GCC2: variants seen among roughly 807,000 people sequenced by gnomAD.
GCC2 encodes GRIP and coiled-coil domain-containing protein 2.
In GCC2, 120 loss-of-function variants were observed where a neutral mutation model predicts 210.6. The ratio of observed to expected loss-of-function variants is 0.57; its 90% CI spans 0.49 to 0.66. The LOEUF is 0.66. Among genes scored for constraint, GCC2 ranks in the 30% least tolerant of loss-of-function variants. The probability of loss-of-function intolerance (pLI) is 0.00; values close to 1 mark genes in which losing one functional copy is unlikely to be tolerated. For synonymous variants in GCC2, 703 were observed against 652.7 expected (o/e 1.08, Z -1.17); for missense variants, 1,868 against 1,871.9 (o/e 1.00, Z 0.04).
Position 108,507,627 on chromosome 2 carries a change from A to G in GCC2, c.5052A>G (p.Arg1684=). Residue 1684 remains arginine, a synonymous_variant, in exon 23 of 23, where the codon CGA becomes CGG. Transcript: ENST00000309863. ...ATCTTCATAGTTGGTCTGGACTTCG[A>G]TAGGTTGATGGAAGGAATATTTTTA... ...ASYLHSWSGL[R] 6.3e-7 allele frequency: 1 copy of G among 1,578,162 alleles called. No homozygotes were observed. The highest frequency in any genetic ancestry group is 8.7e-7 in the Non-Finnish European group (1 of 1,153,394).
chr2:108,483,033 G>A (rs1369982267), intron 11 of GCC2, 29 bp from the exon 12 acceptor site: 1 of 1,129,706 alleles, frequency 8.9e-7, no homozygotes, highest in Admixed American at 1.7e-5. Flanking sequence ...TGGTTGGGTG[G>A]TGTGGGTTGT....
At chr2:108,504,037 G>A (rs1683061723) in intron 22 of GCC2, among the ~76,000 whole-genome samples, 2 of 152,106 alleles carry the variant, frequency 1.3e-5, no homozygotes, top group South Asian at 4.1e-4. Flanking sequence ...GTTATAAGGA[G>A]TTCGAGGCTG....
intron 2 of GCC2, 74 bp downstream of exon 2, chr2:108,449,763 A>T (rs1679813730): frequency 8.9e-7 from 1 of 1,126,472 alleles, no homozygotes; most frequent in Non-Finnish European, 1.3e-6. Context: ...TGGCATGGGG[A>T]AGGGGGGGGC....
chr2:108,485,362 AT>A (rs1444973474), intron 13 of GCC2, among the ~76,000 whole-genome samples: 1 of 151,906 alleles, frequency 6.6e-6, no homozygotes, highest in Non-Finnish European at 1.5e-5. Flanking sequence ...TGTAGTCCAC[AT>A]TTATTCACTT....
At chr2:108,475,505 G>T (rs199573268) in intron 7 of GCC2, 30 bp from the exon 8 acceptor site, 3 of 1,042,812 alleles carry the variant, frequency 2.9e-6, no homozygotes, top group Non-Finnish European at 4.1e-6. Context: ...TTTTGAGTTC[G>T]TATGTAATCC....
chr2:108,494,076 T>C (rs531937241), intron 19 of GCC2: 4 of 539,546 alleles, frequency 7.4e-6, no homozygotes, highest in Non-Finnish European at 9.5e-6. Context: ...AAGGGCCTGG[T>C]AAACTTTACA....
In GCC2 at chr2:108,466,935, T is replaced by A. The variant is rs75065491; in HGVS notation, c.217-2045T>A. Among the ~76,000 whole-genome samples, 1,429 of 152,324 alleles carry A rather than the reference T, an allele frequency of 9.4e-3. 23 individuals are homozygous for A. Among genetic ancestry groups the A allele is most frequent in the African/African-American group, 0.033 (1,364 of 41,568 alleles). ...TTCTCCATTAACCTAATATTATGGT[T>A]AAAAATATGTTTGCGTTTGTCTGAA... On this transcript the variant is annotated intron_variant, in intron 4 of 22. Coordinates refer to ENST00000309863, the MANE Select transcript of GCC2 (RefSeq NM_181453.4).
rs766073111 is a variant in GCC2, at chr2:108,482,359, T to C, written c.3253T>C (p.Leu1085=). 2.5e-6 allele frequency: 4 copies of C among 1,579,768 alleles called. No individual in the cohort carries two copies. The highest frequency in any genetic ancestry group is 3.5e-6 in the Non-Finnish European group (4 of 1,149,194). ...IETLQSNAKL[L]EVQILEVQRA... is the part of the protein sequence containing the mutation. ...GACATTACAGTCTAATGCCAAATTA[T>C]TAGAAGTACAGATTTTAGAAGTCCA... The change falls in exon 11 of 23, where the codon TTA becomes CTA. Residue 1085 remains leucine, a synonymous_variant. Coordinates refer to ENST00000309863, the MANE Select transcript of GCC2 (RefSeq NM_181453.4).
intron 22 of GCC2, among the ~76,000 whole-genome samples, chr2:108,503,630 C>A (rs1460295921): frequency 6.6e-6 from 1 of 152,164 alleles, no homozygotes; most frequent in Non-Finnish European, 1.5e-5. Flanking sequence ...CTTCCTGGCA[C>A]TGAAGGAAAC....
intron 7 of GCC2, 90 bp from the exon 8 acceptor site, chr2:108,475,445 G>T: frequency 1.8e-6 from 1 of 544,866 alleles, no homozygotes; most frequent in Non-Finnish European, 3.2e-6. Context: ...CCAATTTTGT[G>T]CTCCCAAATA....
Position 108,484,217 on chromosome 2 carries a change from T to G in GCC2, c.3519T>G (p.Asn1173Lys). 6.3e-7 allele frequency: 1 copy of G among 1,589,244 alleles called. No homozygotes were observed. The highest frequency in any genetic ancestry group is 8.6e-7 in the Non-Finnish European group (1 of 1,168,546). ...ATGAACGTTTGATGAAAGAACTAAA[T>G]CAAAAGTTAACTAATAAAAACAACA... Reference protein sequence around the residue: ...ADYERLMKELNQKLTNKNNKI... With the variant: ...ADYERLMKELKQKLTNKNNKI... Residue 1173 changes from asparagine to lysine, a missense_variant, in exon 13 of 23, where the codon AAT (asparagine) becomes AAG (lysine). Transcript: ENST00000309863.
rs1558744710 is a variant in GCC2 at position 108,476,054 on chromosome 2, C to CCTTTTTTTTTTT, written c.3060+204_3060+205insCTTTTTTTTTTT. Among the ~76,000 whole-genome samples, 6 of 96,328 alleles carry CCTTTTTTTTTTT rather than the reference C, an allele frequency of 6.2e-5. 2 individuals are homozygous for CCTTTTTTTTTTT. The highest frequency in any genetic ancestry group is 4.3e-5 in the Non-Finnish European group (2 of 46,868). 63.2% of individuals were successfully genotyped at this position (96,328 alleles called of 152,430 possible). A position where few individuals can be genotyped will look rare whatever the true frequency, so the allele number is the denominator to read the frequency against. ...TGGTTAAGCTTTAAATAGTGGCTTG[C>CCTTTTTTTTTTT]TTTTTTTTTTTTTTTTTTTTTTTTT... On this transcript the variant is annotated intron_variant, in intron 9 of 22. Transcript: ENST00000309863.
At chr2:108,475,486 A>T in intron 7 of GCC2, 49 bp from the exon 8 acceptor site, 1 of 830,656 alleles carries the variant, frequency 1.2e-6, no homozygotes, top group Non-Finnish European at 1.8e-6. Flanking sequence ...AGTAATTTGA[A>T]TTTTTTCCTT....
chr2:108,505,294 G>A (rs1171330350), intron 22 of GCC2, among the ~76,000 whole-genome samples: 2 of 152,192 alleles, frequency 1.3e-5, no homozygotes, highest in Non-Finnish European at 1.5e-5. Context: ...TACCTCACTT[G>A]AAATACATAA....
chr2:108,463,934 C>G (rs989954750), intron 4 of GCC2, among the ~76,000 whole-genome samples: 3 of 152,114 alleles, frequency 2.0e-5, no homozygotes, highest in African/African-American at 7.2e-5. Flanking sequence ...TATCTCAGGC[C>G]CCAGGTTGAG....
intron 22 of GCC2, among the ~76,000 whole-genome samples, chr2:108,504,680 C>G (rs578196563): frequency 7.9e-5 from 12 of 152,220 alleles, no homozygotes; most frequent in African/African-American, 2.6e-4. Flanking sequence ...TTTTGCTCCC[C>G]AAATAAGTTA....
chr2:108,505,984 A>G (rs1683164649), intron 22 of GCC2, among the ~76,000 whole-genome samples: 1 of 152,144 alleles, frequency 6.6e-6, no homozygotes, highest in Non-Finnish European at 1.5e-5. Context: ...ATGAAAACAC[A>G]GAAAGGTGTC....
chr2:108,449,434 CTG>C (rs1416594255), intron 1 of GCC2, 154 bp downstream of exon 1: 16 of 1,393,818 alleles, frequency 1.1e-5, no homozygotes, highest in Non-Finnish European at 1.5e-5. Context: ...AACTCTATCC[CTG>C]GGGGTTACCT....
chr2:108,483,107 C>T lies in GCC2; in HGVS notation c.3391C>T (p.Leu1131Phe), dbSNP rs763805735. Residue 1131 changes from leucine (L) to phenylalanine (F), a missense_variant, in exon 12 of 23, where the codon CTT becomes TTT. Leu to Phe is a conservative substitution (Grantham distance 22, BLOSUM62 0). Coordinates refer to ENST00000309863, the MANE Select transcript of GCC2 (RefSeq NM_181453.4). Reference sequence around the variant, plus strand: ...TGAACTTGAAGAACTTCAGGTACAACTTCAAAAGCAAAAGAAACAGCTTCA... The same window carrying T: ...TGAACTTGAAGAACTTCAGGTACAATTTCAAAAGCAAAAGAAACAGCTTCA... ...VNELEELQVQ[L>F]QKQKKQLQKT... The T allele has an allele frequency of 1.9e-6, 3 of 1,598,838 alleles. No homozygotes were observed. In the South Asian group the frequency reaches 3.3e-5, roughly 18 times the overall value.
Sources: gnomAD v4.1 joint callset for allele counts (sites outside exome capture counted in the v4.1 genomes callset) on GRCh38, gnomAD v4.1.1 for gene constraint, MANE v1.5 for transcripts, NCBI Gene and HGNC (gene_info 2026-07-23, HGNC 2026-07-21) for gene names.